DCAF8L2: variants seen among roughly 807,000 people sequenced by gnomAD.
The protein encoded by DCAF8L2 is DDB1 and CUL4 associated factor 8 like 2, also known as DDB1- and CUL4-associated factor 8-like protein 2.
For synonymous variants in DCAF8L2, 200 were observed against 190.9 expected, an observed-to-expected ratio of 1.05 and a Z score of -0.39; for missense variants, 430 against 490.7, an observed-to-expected ratio of 0.88 and a Z score of 1.17.
chrX:27,564,563 G>A, the DCAF8L2 span, among the ~76,000 whole-genome samples: 4 of 109,689 alleles, frequency 3.6e-5, no homozygotes, highest in Non-Finnish European at 7.6e-5. Flanking sequence ...CACACAGAAC[G>A]TAGGCTTCTA....
chrX:27,509,944 A>C, the DCAF8L2 span, among the ~76,000 whole-genome samples: 5 of 111,645 alleles, frequency 4.5e-5, 1 homozygote, highest in East Asian at 1.4e-3. Context: ...AAAAATAAAT[A>C]AGAGGCACTT....
intron 1 of DCAF8L2, among the ~76,000 whole-genome samples, chrX:27,613,429 T>G (rs1396910962): frequency 9.0e-6 from 1 of 111,476 alleles, no homozygotes; most frequent in Non-Finnish European, 1.9e-5. Context: ...TTTTCCTAAT[T>G]GAATACCCTT....
chrX:27,719,492 G>A (rs1282533044), intron 4 of DCAF8L2, among the ~76,000 whole-genome samples: 2 of 99,340 alleles, frequency 2.0e-5, no homozygotes, highest in Non-Finnish European at 4.0e-5. Flanking sequence ...CTGTCACCCA[G>A]GCTGGAGTGC....
the DCAF8L2 span, among the ~76,000 whole-genome samples, chrX:27,561,327 A>T: frequency 8.9e-6 from 1 of 112,016 alleles, no homozygotes; most frequent in Non-Finnish European, 1.9e-5. Context: ...ATTGTACCGC[A>T]TCAATCACAT....
the DCAF8L2 span, among the ~76,000 whole-genome samples, chrX:27,493,847 A>T: frequency 9.1e-6 from 1 of 110,062 alleles, no homozygotes; most frequent in East Asian, 2.9e-4. Flanking sequence ...TATTAATTTG[A>T]TTTTTCTGCA....
chrX:27,516,551 C>G, the DCAF8L2 span, among the ~76,000 whole-genome samples: 2 of 110,229 alleles, frequency 1.8e-5, no homozygotes, highest in African/African-American at 3.3e-5. Context: ...CATACGACAC[C>G]CCTCCAAGAT....
chrX:27,671,546 T>C (rs1048094892), intron 2 of DCAF8L2, among the ~76,000 whole-genome samples: 8 of 111,827 alleles, frequency 7.2e-5, no homozygotes, highest in South Asian at 3.7e-4. Context: ...TTCTAAATAT[T>C]ATAGTGAACA....
At chrX:27,514,688 AAAAAAAACAAAAAAAAAAAAC>A in the DCAF8L2 span, among the ~76,000 whole-genome samples, 61 of 78,304 alleles carry the variant, frequency 7.8e-4, 1 homozygote, top group African/African-American at 3.3e-3. Flanking sequence ...AAAAAAAAAA[AAAAAAAACAAAAAAAAAAAAC>A]AGAGTGAAAT....
intron 3 of DCAF8L2, among the ~76,000 whole-genome samples, chrX:27,694,335 G>A (rs1930818613): frequency 1.8e-5 from 2 of 111,352 alleles, no homozygotes; most frequent in Non-Finnish European, 1.9e-5. Context: ...ACCTGCACAT[G>A]TACTCTTTGA....
chrX:27,568,728 A>T, the DCAF8L2 span, among the ~76,000 whole-genome samples: 2 of 105,818 alleles, frequency 1.9e-5, no homozygotes, highest in Non-Finnish European at 3.9e-5. Context: ...TGTGCAGATT[A>T]GTTACATATG....
chrX:27,493,438 C>A, the DCAF8L2 span, among the ~76,000 whole-genome samples: 1 of 110,696 alleles, frequency 9.0e-6, no homozygotes, highest in Non-Finnish European at 1.9e-5. Context: ...AGGCCAGGTG[C>A]AATGGCTCAT....
the DCAF8L2 span, among the ~76,000 whole-genome samples, chrX:27,495,330 T>C: frequency 8.9e-6 from 1 of 111,772 alleles, no homozygotes; most frequent in East Asian, 2.8e-4. Context: ...AGTTTTGAAA[T>C]TGTGAATTTT....
At chrX:27,510,032 T>G in the DCAF8L2 span, among the ~76,000 whole-genome samples, 10 of 111,709 alleles carry the variant, frequency 9.0e-5, no homozygotes, top group Non-Finnish European at 1.3e-4. Flanking sequence ...GCCCAAATTC[T>G]ATGTGTCCTA....
chrX:27,659,995 T>A (rs1213963504), intron 2 of DCAF8L2, among the ~76,000 whole-genome samples: 1 of 111,582 alleles, frequency 9.0e-6, no homozygotes, highest in Non-Finnish European at 1.9e-5. Context: ...GTTTCCTTAC[T>A]TTTTTATGTT....
At chrX:27,696,073 C>A (rs1930882295) in intron 3 of DCAF8L2, among the ~76,000 whole-genome samples, 1 of 107,635 alleles carries the variant, frequency 9.3e-6, no homozygotes, top group African/African-American at 3.4e-5. Flanking sequence ...GTGGCACGCA[C>A]CTGTAATACC....
the DCAF8L2 span, among the ~76,000 whole-genome samples, chrX:27,487,090 G>A: frequency 9.0e-6 from 1 of 111,378 alleles, no homozygotes; most frequent in African/African-American, 3.3e-5. Context: ...TCGAATCCAT[G>A]AACATAGAAT....
intron 2 of DCAF8L2, among the ~76,000 whole-genome samples, chrX:27,661,005 C>A: frequency 9.0e-6 from 1 of 111,608 alleles, no homozygotes; most frequent in Non-Finnish European, 1.9e-5. Flanking sequence ...GCTATTTGGC[C>A]CAGAGCATGA....
intron 3 of DCAF8L2, among the ~76,000 whole-genome samples, chrX:27,690,159 G>A (rs1428363560): frequency 9.0e-6 from 1 of 111,350 alleles, no homozygotes; most frequent in African/African-American, 3.3e-5. Flanking sequence ...ATGACTTTCT[G>A]TGGTGTAAAT....
the DCAF8L2 span, among the ~76,000 whole-genome samples, chrX:27,564,959 A>T: frequency 9.1e-6 from 1 of 109,949 alleles, no homozygotes; most frequent in Non-Finnish European, 1.9e-5. Flanking sequence ...GATTATAGGC[A>T]TTAGGAATCA....
Sources: gnomAD v4.1 joint callset for allele counts (sites outside exome capture counted in the v4.1 genomes callset) on GRCh38, gnomAD v4.1.1 for gene constraint, MANE v1.5 for transcripts, NCBI Gene and HGNC (gene_info 2026-07-23, HGNC 2026-07-21) for gene names.